The following HACD2 variants were observed in gnomAD, a reference collection of about 807,000 sequenced individuals.
HACD2 encodes the protein very-long-chain (3R)-3-hydroxyacyl-CoA dehydratase 2.
Under a neutral mutation model 31.0 loss-of-function variants are expected in HACD2, and 15 were observed. The ratio of observed to expected loss-of-function variants is 0.48; its 90% CI spans 0.32 to 0.75. The LOEUF (loss-of-function observed/expected upper bound fraction) is 0.75, where lower values mean the gene tolerates loss of function less well. Among genes scored for constraint, HACD2 ranks in the 30% least tolerant of loss-of-function variants. The pLI is 0.03. For synonymous variants in HACD2, 115 were observed against 122.2 expected, an observed-to-expected ratio of 0.94 and a Z score of 0.39; for missense variants, 283 against 313.0, an observed-to-expected ratio of 0.90 and a Z score of 0.72.
intron 3 of HACD2, among the ~76,000 whole-genome samples, chr3:123,536,670 T>C (rs2056430201): frequency 6.6e-6 from 1 of 152,116 alleles, no homozygotes; most frequent in Non-Finnish European, 1.5e-5. Flanking sequence ...AGAAATTTCT[T>C]GGTTACAAAA....
At chr3:123,536,768 AAAGT>A (rs1168102334) in intron 3 of HACD2, among the ~76,000 whole-genome samples, 3 of 152,216 alleles carry the variant, frequency 2.0e-5, no homozygotes, top group African/African-American at 7.2e-5. Flanking sequence ...AGCAACATCC[AAAGT>A]AAGAAGGCAA....
intron 1 of HACD2, chr3:123,584,654 C>G (rs888653188): frequency 5.4e-6 from 2 of 370,512 alleles, no homozygotes; most frequent in Non-Finnish European, 9.5e-6. Context: ...TGCCTGGGAA[C>G]TTGGCTCGAC....
chr3:123,545,020 G>T, intron 3 of HACD2, among the ~76,000 whole-genome samples: 1 of 106,098 alleles, frequency 9.4e-6, no homozygotes, highest in South Asian at 3.5e-4. Flanking sequence ...GCTGTAGTAA[G>T]AGAGACCCTG....
intron 4 of HACD2, among the ~76,000 whole-genome samples, chr3:123,518,311 G>A (rs2056171166): frequency 6.6e-6 from 1 of 152,100 alleles, no homozygotes; most frequent in Non-Finnish European, 1.5e-5. Context: ...TTGCACTACT[G>A]AATCTGTCTG....
At chr3:123,581,552 G>C (rs2056966778) in intron 2 of HACD2, among the ~76,000 whole-genome samples, 1 of 152,188 alleles carries the variant, frequency 6.6e-6, no homozygotes, top group Non-Finnish European at 1.5e-5. Flanking sequence ...GCAGAAATGA[G>C]AGAAAGCAAG....
chr3:123,542,313 T>A (rs1356658533), intron 3 of HACD2, among the ~76,000 whole-genome samples: 1 of 151,988 alleles, frequency 6.6e-6, no homozygotes, highest in African/African-American at 2.4e-5. Flanking sequence ...CAATTAGCAA[T>A]AAAGCGCATC....
Position 123,494,063 on chromosome 3 carries a change from G to A in HACD2, c.*825C>T, listed in dbSNP as rs369417534. The A allele has an allele frequency of 2.0e-5, 3 of 152,276 alleles. No homozygotes were observed. Among genetic ancestry groups the A allele is most frequent in the Admixed American group, 6.5e-5 (1 of 15,292 alleles). The allele number at this position is 152,276 out of a possible 1,614,324, so 9.4% of individuals were successfully genotyped here. ...AGTGAGAATAGCTACTGGCAAACAC[G>A]TTACTCAGAGGTGTTCTGAGAATGG... On this transcript the variant is annotated 3_prime_UTR_variant, in exon 7 of 7. Coordinates refer to ENST00000383657, the MANE Select transcript of HACD2 (RefSeq NM_198402.5).
chr3:123,570,890 C>T (rs956000509), intron 2 of HACD2, among the ~76,000 whole-genome samples: 2 of 146,118 alleles, frequency 1.4e-5, no homozygotes, highest in African/African-American at 5.1e-5. Flanking sequence ...ATAAAATTTA[C>T]ATTTCACAAC....
intron 4 of HACD2, among the ~76,000 whole-genome samples, chr3:123,524,182 T>A (rs529299103): frequency 6.6e-6 from 1 of 152,274 alleles, no homozygotes; most frequent in African/African-American, 2.4e-5. Context: ...GCACAACACA[T>A]AGGTATCTTA....
intron 3 of HACD2, among the ~76,000 whole-genome samples, chr3:123,548,104 T>C (rs972665827): frequency 3.3e-5 from 5 of 152,024 alleles, no homozygotes; most frequent in African/African-American, 1.2e-4. Context: ...TAACAATACG[T>C]CCACGAATTC....
chr3:123,564,449 G>A (rs533825319), intron 3 of HACD2, among the ~76,000 whole-genome samples: 2 of 152,276 alleles, frequency 1.3e-5, no homozygotes, highest in South Asian at 2.1e-4. Context: ...ATTTCAGGAG[G>A]GCTCAGTCCA....
At chr3:123,569,363 C>A (rs1247306494) in intron 2 of HACD2, among the ~76,000 whole-genome samples, 1 of 152,066 alleles carries the variant, frequency 6.6e-6, no homozygotes, top group Non-Finnish European at 1.5e-5. Context: ...AGACAGAAAA[C>A]CTGTTCATTT....
At chr3:123,508,947 T>C (rs890285875) in intron 4 of HACD2, among the ~76,000 whole-genome samples, 2 of 152,160 alleles carry the variant, frequency 1.3e-5, no homozygotes, top group Non-Finnish European at 2.9e-5. Context: ...TCTTTTTTCA[T>C]AAGGGTGCTA....
intron 3 of HACD2, among the ~76,000 whole-genome samples, chr3:123,544,097 ATCCTG>A (rs1282240596): frequency 6.6e-6 from 1 of 152,134 alleles, no homozygotes; most frequent in African/African-American, 2.4e-5. Context: ...CTGCTTTCCC[ATCCTG>A]TACTAATACG....
intron 3 of HACD2, among the ~76,000 whole-genome samples, chr3:123,554,210 G>A (rs2056649588): frequency 1.0e-4 from 1 of 9,900 alleles, no homozygotes; most frequent in Non-Finnish European, 2.6e-4. Flanking sequence ...AAGGGAAAGA[G>A]GAAAGTAGAA....
Position 123,584,840 on chromosome 3 carries a change from C to G in HACD2, c.155+33G>C, listed in dbSNP as rs2057010403. On this transcript the variant is annotated intron_variant, in intron 1 of 6. Coordinates refer to ENST00000383657, the MANE Select transcript of HACD2 (RefSeq NM_198402.5). ...CCGCAGGGCTCCCTCCCCGGCCGCG[C>G]TGGCTCCCCGCCTCCCCGAGCCCCA... is the stretch of plus-strand genomic sequence containing the variant. 1.4e-5 allele frequency: 21 copies of G among 1,457,800 alleles called. No individual in the cohort carries two copies. In the East Asian group the frequency reaches 6.3e-4, roughly 44 times the overall value. 90.3% of individuals were successfully genotyped at this position (1,457,800 alleles called of 1,614,324 possible). A position where few individuals can be genotyped will look rare whatever the true frequency, so the allele number is the denominator to read the frequency against.
chr3:123,583,373 C>T (rs1351334974), intron 1 of HACD2, among the ~76,000 whole-genome samples: 1 of 152,136 alleles, frequency 6.6e-6, no homozygotes, highest in Admixed American at 6.6e-5. Flanking sequence ...CCGGCTCTTG[C>T]TAAGACAACA....
At chr3:123,529,305 T>C (rs937332554) in intron 3 of HACD2, among the ~76,000 whole-genome samples, 4 of 152,182 alleles carry the variant, frequency 2.6e-5, no homozygotes, top group African/African-American at 4.8e-5. Context: ...CTTCACCATA[T>C]TGGCCAGGCT....
intron 3 of HACD2, among the ~76,000 whole-genome samples, chr3:123,557,848 A>G (rs1011524783): frequency 6.6e-6 from 1 of 152,228 alleles, no homozygotes; most frequent in Non-Finnish European, 1.5e-5. Context: ...AACGGTACAG[A>G]CACTTTAGAA....
Sources: allele counts gnomAD v4.1 joint callset (sites outside exome capture counted in the v4.1 genomes callset), GRCh38; gene constraint gnomAD v4.1.1; transcripts MANE v1.5; gene names NCBI Gene and HGNC (gene_info 2026-07-23, HGNC 2026-07-21).